The following PDZD2 variants were observed in gnomAD, a reference collection of about 807,000 sequenced individuals.
PDZD2 encodes PDZ domain containing 2.
A neutral mutation model predicts 220.7 loss-of-function variants in PDZD2; 90 were observed. That is an observed-to-expected ratio of 0.41 (90% CI 0.34 to 0.49). The LOEUF (loss-of-function observed/expected upper bound fraction) is 0.49. Among genes scored for constraint, PDZD2 ranks in the 20% least tolerant of loss-of-function variants. The pLI is 0.28. For missense variants in PDZD2, 3,174 were observed against 3,608.5 expected (o/e 0.88, Z 3.08); for synonymous variants, 1,375 against 1,450.5 (o/e 0.95, Z 1.18).
chr5:31,721,856 A>T (rs1172400480), intron 1 of PDZD2, among the ~76,000 whole-genome samples: 1 of 152,014 alleles, frequency 6.6e-6, no homozygotes, highest in Non-Finnish European at 1.5e-5. Context: ...CGGTTTACAG[A>T]GCTGGTATAT....
chr5:32,046,776 C>T (rs1738012916), intron 7 of PDZD2, among the ~76,000 whole-genome samples: 1 of 152,194 alleles, frequency 6.6e-6, no homozygotes. Context: ...GGCGCAATGG[C>T]TCATGCCTGT....
At chr5:31,717,202 C>T (rs1196321601) in intron 1 of PDZD2, among the ~76,000 whole-genome samples, 1 of 152,048 alleles carries the variant, frequency 6.6e-6, no homozygotes, top group African/African-American at 2.4e-5. Flanking sequence ...CTGGCCTTTG[C>T]GAGTCTAGAC....
intron 1 of PDZD2, chr5:31,725,544 C>A (rs1285397949): frequency 7.7e-6 from 11 of 1,432,700 alleles, no homozygotes; most frequent in Non-Finnish European, 1.0e-5. Flanking sequence ...GGCCACTGGA[C>A]TTAGGACTAG....
intron 2 of PDZD2, among the ~76,000 whole-genome samples, chr5:31,841,357 T>C (rs551403151): frequency 1.3e-5 from 2 of 152,298 alleles, no homozygotes; most frequent in East Asian, 3.9e-4. Context: ...AAGCCAGGCT[T>C]TCCCTAACTG....
In PDZD2 at chr5:31,878,853, GC is replaced by G. The variant is rs556708137; in HGVS notation, c.476+79131del. On this transcript the variant is annotated intron_variant, in intron 2 of 24. Coordinates refer to ENST00000438447, the MANE Select transcript of PDZD2 (RefSeq NM_178140.4). ...TGGGATTACAGGCGTGAGCCACCGC[GC>G]CGGGCCGACCTCGGCTTATTTTGCA... Among the ~76,000 whole-genome samples, 364 of 151,820 alleles carry G rather than the reference GC, an allele frequency of 2.4e-3. 4 individuals are homozygous for G. Among genetic ancestry groups the G allele is most frequent in the African/African-American group, 8.7e-3 (359 of 41,502 alleles).
At chr5:31,847,033 A>G (rs1394217568) in intron 2 of PDZD2, among the ~76,000 whole-genome samples, 7 of 152,188 alleles carry the variant, frequency 4.6e-5, no homozygotes, top group Admixed American at 6.5e-5. Context: ...TCACTCATGA[A>G]TCATCTATTG....
Position 31,799,642 on chromosome 5 carries a change from A to G in PDZD2, c.394A>G (p.Lys132Glu). Residue 132 changes from lysine (K) to glutamate (E), a missense_variant, in exon 2 of 25, where the codon AAG (lysine) becomes GAG (glutamate). This residue lies in a region of PDZD2 where 632 missense variants were observed against 708.1 expected (regional missense o/e 0.89). Coordinates refer to ENST00000438447, the MANE Select transcript of PDZD2 (RefSeq NM_178140.4). ...GCTGAGGAAGAACAGCCCAGCAGGG[A>G]AGAGTGGGAAGGTCCGACTGCGGGA... ...TELRKNSPAG[K>E]SGKVRLRDEI... The G allele has an allele frequency of 6.2e-7, 1 of 1,614,098 alleles. No individual in the cohort carries two copies. Among genetic ancestry groups the G allele is most frequent in the Non-Finnish European group, 8.5e-7 (1 of 1,179,992 alleles).
intron 1 of PDZD2, among the ~76,000 whole-genome samples, chr5:31,686,950 C>T (rs1347830065): frequency 1.3e-5 from 2 of 152,290 alleles, no homozygotes; most frequent in East Asian, 3.9e-4. Context: ...CTCGGAATCT[C>T]TGCTCACCTG....
At position 32,089,021 on chromosome 5, in the gene PDZD2, T is replaced by C; in HGVS notation, c.5573T>C (p.Leu1858Pro). 6.2e-7 allele frequency: 1 copy of C among 1,613,728 alleles called. No homozygotes were observed. Among genetic ancestry groups the C allele is most frequent in the Non-Finnish European group, 8.5e-7 (1 of 1,179,938 alleles). ...AGCCCTCCTCAGCCGAAAACAAACC[T>C]GGAAAATAAGGACCTGTCTAAGAAG... Reference protein sequence around the residue: ...PHSPPQPKTNLENKDLSKKSP... With the variant: ...PHSPPQPKTNPENKDLSKKSP... The change falls in exon 20 of 25, where the codon CTG becomes CCG. Residue 1858 changes from leucine to proline, a missense_variant. Physicochemically the swap from Leu to Pro is moderately conservative, Grantham distance 98. Transcript: ENST00000438447.
intron 2 of PDZD2, among the ~76,000 whole-genome samples, chr5:31,833,407 G>A (rs1231203957): frequency 6.6e-6 from 1 of 151,882 alleles, no homozygotes; most frequent in Non-Finnish European, 1.5e-5. Context: ...GGCAGAGGTT[G>A]CAGTGAACTG....
chr5:31,983,030 A>C, intron 2 of PDZD2, 125 bp from the exon 3 acceptor site: 1 of 844,676 alleles, frequency 1.2e-6, no homozygotes, highest in East Asian at 2.4e-5. Flanking sequence ...CTCTTTAGGA[A>C]GCTCAATACC....
At chr5:31,725,481 A>G in intron 1 of PDZD2, 1 of 1,221,998 alleles carries the variant, frequency 8.2e-7, no homozygotes, top group South Asian at 2.0e-5. Flanking sequence ...AAATAAAACT[A>G]TGAGTAAATG....
chr5:32,003,394 C>CCA (rs1283682973), intron 5 of PDZD2, among the ~76,000 whole-genome samples: 1 of 131,010 alleles, frequency 7.6e-6, no homozygotes, highest in South Asian at 2.6e-4. Flanking sequence ...CCCACACACA[C>CCA]CACACACACA....
intron 2 of PDZD2, chr5:31,908,599 T>C: frequency 1.0e-6 from 1 of 1,000,298 alleles, no homozygotes; most frequent in Non-Finnish European, 1.6e-6. Context: ...GGAAACTAGC[T>C]TCACCAGAGA....
rs1213193415 is a variant in PDZD2, at chr5:31,777,647, A to ACC, written c.-360-21241_-360-21240insCC. 4.9e-3 allele frequency among the ~76,000 whole-genome samples: 739 copies of ACC among 152,176 alleles called. 17 individuals carry two copies. The highest frequency in any genetic ancestry group is 0.017 in the African/African-American group (693 of 41,468). The stretch of plus-strand genomic sequence containing the variant: ...GAGGATTGTATATGCACCAATCAGC[A>ACC]CTCTGTGTCTAGCTCAGGGTTTGTG... On this transcript the variant is annotated intron_variant, in intron 1 of 24. Coordinates refer to ENST00000438447, the MANE Select transcript of PDZD2 (RefSeq NM_178140.4).
intron 1 of PDZD2, among the ~76,000 whole-genome samples, chr5:31,775,847 G>C (rs1328224257): frequency 6.6e-6 from 1 of 152,130 alleles, no homozygotes; most frequent in African/African-American, 2.4e-5. Flanking sequence ...CTTTAAAAGA[G>C]GCTGAGCTTT....
In PDZD2 at chr5:31,768,918, C is replaced by T. The variant is rs1027451961; in HGVS notation, c.-360-29971C>T. Among the ~76,000 whole-genome samples, 12 of 152,346 alleles carry T rather than the reference C, an allele frequency of 7.9e-5. No homozygotes were observed. The East Asian group carries it at 2.3e-3, about 29-fold the overall frequency. ...GAATCCTTGTCTTTCTCATCACCCTCACAAATTTCCTAAAGGTGGGGACAA... is the reference window on the plus strand; with the variant it reads ...GAATCCTTGTCTTTCTCATCACCCTTACAAATTTCCTAAAGGTGGGGACAA... On this transcript the variant is annotated intron_variant, in intron 1 of 24. Coordinates refer to ENST00000438447, the MANE Select transcript of PDZD2 (RefSeq NM_178140.4).
chr5:32,108,131 C>T lies in PDZD2; in HGVS notation c.8516C>T (p.Ser2839Leu). The change falls in exon 25 of 25, where the codon TCA becomes TTA. Residue 2839 changes from serine to leucine, a missense_variant. Around this residue, in one of 4 missense-constraint regions of PDZD2, gnomAD observed 631 missense variants for 789.9 expected, o/e 0.80. Coordinates refer to ENST00000438447, the MANE Select transcript of PDZD2 (RefSeq NM_178140.4). ...QLLIRKHRNS[S>L] ...TTAATTAGAAAGCATAGGAATTCTT[C>T]ATGAATTTTAACAAGAATCATTTTC... 1.3e-6 allele frequency: 2 copies of T among 1,580,400 alleles called. No homozygotes were observed. The highest frequency in any genetic ancestry group is 1.8e-5 in the Admixed American group (1 of 56,286).
chr5:32,020,039 A>G (rs1432225235), intron 6 of PDZD2, among the ~76,000 whole-genome samples: 2 of 150,106 alleles, frequency 1.3e-5, no homozygotes, highest in African/African-American at 4.9e-5. Flanking sequence ...GAATATATAT[A>G]TATACACACA....
Sources: gnomAD v4.1 joint callset for allele counts (sites outside exome capture counted in the v4.1 genomes callset) on GRCh38, gnomAD v4.1.1 for gene constraint, gnomAD v4.1.1 regional missense constraint, MANE v1.5 for transcripts, NCBI Gene and HGNC (gene_info 2026-07-23, HGNC 2026-07-21) for gene names.